Variants in CSH1 observed in about 807,000 individuals in gnomAD.
CSH1 encodes the protein chorionic somatomammotropin hormone 1, also known as Chorionic somatomammotropin hormone 2.
Under a neutral mutation model 19.4 loss-of-function variants are expected in CSH1, and 17 were observed. The observed-to-expected ratio is 0.88, with a 90% CI of 0.60 to 1.31. CSH1 has a LOEUF of 1.31. Among genes scored for constraint, CSH1 ranks in the 40% most tolerant of loss-of-function variants. The pLI is 0.00. For missense variants in CSH1, 190 were observed against 243.1 expected (o/e 0.78, Z 1.45); for synonymous variants, 72 against 104.6 (o/e 0.69, Z 1.90).
rs1363666018 is a variant in CSH1 at position 63,895,136 on chromosome 17, G to A, written c.540C>T (p.Asp180=). 22 of 1,612,682 alleles carry A rather than the reference G, an allele frequency of 1.4e-5. No homozygotes were observed. The highest frequency in any genetic ancestry group is 5.5e-5 in the South Asian group (5 of 91,066). Residue 180 remains aspartate, a synonymous_variant, in exon 5 of 5, where the codon GAC becomes GAT. Coordinates refer to ENST00000316193, the MANE Select transcript of CSH1 (RefSeq NM_001317.6). The part of the protein sequence containing the change: ...SKFDTNSHNH[D]ALLKNYGLLY... Reference sequence around the variant, plus strand: ...GCAGCCCGTAGTTCTTGAGCAGTGCGTCATGGTTGTGCGAGTTTGTGTCAA... The same window carrying A: ...GCAGCCCGTAGTTCTTGAGCAGTGCATCATGGTTGTGCGAGTTTGTGTCAA...
At chr17:63,896,455 C>T (rs760598382) in intron 1 of CSH1, 47 bp downstream of exon 1, 2 of 1,611,682 alleles carry the variant, frequency 1.2e-6, no homozygotes, top group African/African-American at 2.7e-5. Context: ...GGCGCTGCCT[C>T]TCCCCTCAGG....
At position 63,896,248 on chromosome 17, in the gene CSH1, C is replaced by T. The variant is rs1448804265; in HGVS notation, c.11-13G>A. On this transcript the variant is annotated splice_polypyrimidine_tract_variant and intron_variant, in intron 1 of 4. Transcript: ENST00000316193. The stretch of plus-strand genomic sequence containing the variant: ...GACGTCCGGGAGCCTGGGGAGAAAC[C>T]GGAGGGCAATGGAGGGAGCCGGAGA... The T allele has an allele frequency of 2.7e-5, 41 of 1,492,896 alleles. 2 individuals are homozygous for T. The highest frequency in any genetic ancestry group is 3.1e-5 in the Non-Finnish European group (35 of 1,125,080). The allele number at this position is 1,492,896 out of a possible 1,614,324, so 92.5% of individuals were successfully genotyped here. A position where few individuals can be genotyped will look rare whatever the true frequency, so the allele number is the denominator to read the frequency against.
At chr17:63,896,285 G>A in intron 1 of CSH1, 50 bp from the exon 2 acceptor site, 2 of 1,579,070 alleles carry the variant, frequency 1.3e-6, no homozygotes, top group Non-Finnish European at 1.7e-6. Context: ...GAAGAGGCCA[G>A]CGCTCTCCCT....
At position 63,895,358 on chromosome 17, in the gene CSH1, G is replaced by A. The variant is rs978218846; in HGVS notation, c.456+115C>T. 1.7e-5 allele frequency: 28 copies of A among 1,612,718 alleles called. 1 individual carries two copies. Among genetic ancestry groups the A allele is most frequent in the Non-Finnish European group, 1.4e-5 (17 of 1,179,616 alleles). ...TTCACCAGGCGAAATGAAGAATAAG[G>A]TGAGTTCTCTTGGGTCAGCGCCTTA... On this transcript the variant is annotated intron_variant, in intron 4 of 4. Coordinates refer to ENST00000316193, the MANE Select transcript of CSH1 (RefSeq NM_001317.6).
At chr17:63,895,406 A>C in intron 4 of CSH1, 67 bp downstream of exon 4, 1 of 1,612,540 alleles carries the variant, frequency 6.2e-7, no homozygotes, top group Non-Finnish European at 8.5e-7. Flanking sequence ...GGGCAGCAGT[A>C]TTTCTCTCCC....
rs1357812450 is a variant in CSH1 at position 63,895,073 on chromosome 17, T to G, written c.603A>C (p.Thr201=). ...CFRKDMDKVE[T]FLRMVQCRSV... Reference sequence around the variant, plus strand: ...AGCGGCACTGCACCATGCGCAGGAATGTCTCGACCTTGTCCATGTCCTTCC... The same window carrying G: ...AGCGGCACTGCACCATGCGCAGGAAGGTCTCGACCTTGTCCATGTCCTTCC... Residue 201 remains threonine, a synonymous_variant, in exon 5 of 5, where the codon ACA becomes ACC. Coordinates refer to ENST00000316193, the MANE Select transcript of CSH1 (RefSeq NM_001317.6). 2 of 1,612,802 alleles carry G rather than the reference T, an allele frequency of 1.2e-6. No homozygotes were observed. Among genetic ancestry groups the G allele is most frequent in the African/African-American group, 2.7e-5 (2 of 74,240 alleles).
chr17:63,894,997 G>A lies in CSH1; in HGVS notation c.*25C>T, dbSNP rs371077118. 263 of 1,612,788 alleles carry A rather than the reference G, an allele frequency of 1.6e-4. 6 individuals are homozygous for A. Among genetic ancestry groups the A allele is most frequent in the Non-Finnish European group, 2.2e-4 (259 of 1,179,622 alleles). On this transcript the variant is annotated 3_prime_UTR_variant, in exon 5 of 5. Coordinates refer to ENST00000316193, the MANE Select transcript of CSH1 (RefSeq NM_001317.6). ...CAGGGCCAGGAGAGGCACTGGGGAG[G>A]GGTCACAGGATGCTACTCGGGCACC...
chr17:63,896,044 C>G, intron 2 of CSH1, 31 bp downstream of exon 2: 1 of 862,628 alleles, frequency 1.2e-6, no homozygotes, highest in Non-Finnish European at 1.6e-6. Flanking sequence ...TCTTGCCACC[C>G]CTGACCCGCA....
rs766452518 is a variant in CSH1, at chr17:63,895,646, G to A, written c.292-9C>T. 23 of 1,516,804 alleles carry A rather than the reference G, an allele frequency of 1.5e-5. 2 individuals carry two copies. The African/African-American group carries it at 3.3e-4, about 22-fold the overall frequency. 94.0% of individuals were successfully genotyped at this position (1,516,804 alleles called of 1,614,324 possible). A position where few individuals can be genotyped will look rare whatever the true frequency, so the allele number is the denominator to read the frequency against. On this transcript the variant is annotated splice_polypyrimidine_tract_variant and intron_variant, in intron 3 of 4. Coordinates refer to ENST00000316193, the MANE Select transcript of CSH1 (RefSeq NM_001317.6). ...CGGAGCAGCTCTAGATTCTGCAGGG[G>A]AAGGACCGGCAGTGGCTGTGCTGCC...
At position 63,896,550 on chromosome 17, in the gene CSH1, C is replaced by T. The variant is rs753194041; in HGVS notation, c.-39G>A. ...GCTGTCCACAGGACCCTGAGTGGTT[C>T]GGGGAGTTGGGCCTTGGGATCCTAG... is the stretch of plus-strand genomic sequence containing the variant. On this transcript the variant is annotated 5_prime_UTR_variant, in exon 1 of 5. Coordinates refer to ENST00000316193, the MANE Select transcript of CSH1 (RefSeq NM_001317.6). The T allele has an allele frequency of 2.0e-5, 32 of 1,613,246 alleles. 1 individual carries two copies. Among genetic ancestry groups the T allele is most frequent in the East Asian group, 1.6e-4 (7 of 44,888 alleles).
chr17:63,895,351 G>C, intron 4 of CSH1, 122 bp downstream of exon 4: 1 of 1,612,880 alleles, frequency 6.2e-7, no homozygotes, highest in Non-Finnish European at 8.5e-7. Flanking sequence ...GCGAAATGAA[G>C]AATAAGGTGA....
chr17:63,896,402 T>G (rs12449537), intron 1 of CSH1, 100 bp downstream of exon 1: 39 of 1,560,272 alleles, frequency 2.5e-5, no homozygotes, highest in African/African-American at 8.2e-5. Context: ...CTCACATTCA[T>G]AAGCCCCAAA....
At position 63,896,491 on chromosome 17, in the gene CSH1, G is replaced by A. The variant is rs1393557394; in HGVS notation, c.10+11C>T. Reference sequence around the variant, plus strand: ...ACACGTTGTGCCCAAAGGGATTTTAGGGGCGCTTACCTGGAGCCATTGCCA... The same window carrying A: ...ACACGTTGTGCCCAAAGGGATTTTAAGGGCGCTTACCTGGAGCCATTGCCA... On this transcript the variant is annotated intron_variant, in intron 1 of 4. Transcript: ENST00000316193. 3.7e-6 allele frequency: 6 copies of A among 1,613,052 alleles called. No individual in the cohort carries two copies. The highest frequency in any genetic ancestry group is 1.7e-5 in the Admixed American group (1 of 59,932).
chr17:63,896,459 C>T (rs763637921), intron 1 of CSH1, 43 bp downstream of exon 1: 2 of 1,611,992 alleles, frequency 1.2e-6, no homozygotes, highest in Admixed American at 3.3e-5. Flanking sequence ...CTGCCTCTCC[C>T]CTCAGGACAC....
intron 1 of CSH1, 114 bp downstream of exon 1, chr17:63,896,388 G>A: frequency 5.9e-6 from 9 of 1,517,056 alleles, no homozygotes; most frequent in South Asian, 5.6e-5. Context: ...CTTAGATGGC[G>A]ATACTCACAT....
At chr17:63,895,975 A>T (rs1292781828) in intron 2 of CSH1, 100 bp downstream of exon 2, 10 of 594,962 alleles carry the variant, frequency 1.7e-5, no homozygotes, top group Non-Finnish European at 2.3e-5. Context: ...GCTTCAGAAA[A>T]CAACCCTGAG....
In CSH1 at chr17:63,895,163, C is replaced by G. The variant is rs1906049619; in HGVS notation, c.513G>C (p.Lys171Asn). 8.1e-6 allele frequency: 13 copies of G among 1,612,798 alleles called. No homozygotes were observed. The highest frequency in any genetic ancestry group is 1.3e-5 in the African/African-American group (1 of 74,270). Reference sequence around the variant, plus strand: ...CATGGTTGTGCGAGTTTGTGTCAAACTTGCTGTAGGTCTGCTTGAGGATCT... The same window carrying G: ...CATGGTTGTGCGAGTTTGTGTCAAAGTTGCTGTAGGTCTGCTTGAGGATCT... Reference protein sequence around the residue: ...TGQILKQTYSKFDTNSHNHDA... With the variant: ...TGQILKQTYSNFDTNSHNHDA... The change falls in exon 5 of 5, where the codon AAG (lysine) becomes AAC (asparagine). Residue 171 changes from lysine (K) to asparagine (N), a missense_variant. Lys to Asn is a moderately conservative substitution (Grantham distance 94). Around this residue, in one of 3 missense-constraint regions of CSH1, gnomAD observed 175 missense variants for 187.2 expected, o/e 0.93. Coordinates refer to ENST00000316193, the MANE Select transcript of CSH1 (RefSeq NM_001317.6).
chr17:63,896,327 C>G (rs1161142249), intron 1 of CSH1, 92 bp from the exon 2 acceptor site: 1 of 1,602,982 alleles, frequency 6.2e-7, no homozygotes, highest in Admixed American at 1.7e-5. Context: ...TTTTCTCTCT[C>G]TCCATCCCTC....
Position 63,895,025 on chromosome 17 carries a change from G to C in CSH1, c.651C>G (p.Phe217Leu). 1 of 1,613,058 alleles carries C rather than the reference G, an allele frequency of 6.2e-7. No individual in the cohort carries two copies. Among genetic ancestry groups the C allele is most frequent in the Non-Finnish European group, 8.5e-7 (1 of 1,179,662 alleles). Reference sequence around the variant, plus strand: ...TCACAGGATGCTACTCGGGCACCTAGAAGCCACAGCTGCCCTCCACAGAGC... The same window carrying C: ...TCACAGGATGCTACTCGGGCACCTACAAGCCACAGCTGCCCTCCACAGAGC... ...QCRSVEGSCG[F>L] Residue 217 changes from phenylalanine to leucine, a missense_variant, in exon 5 of 5, where the codon TTC becomes TTG. Coordinates refer to ENST00000316193, the MANE Select transcript of CSH1 (RefSeq NM_001317.6).
Sources: allele counts gnomAD v4.1 joint callset, GRCh38; gene constraint gnomAD v4.1.1; regional missense constraint gnomAD v4.1.1; transcripts MANE v1.5; gene names NCBI Gene and HGNC (gene_info 2026-07-23, HGNC 2026-07-21).